TRIM5: variants seen among roughly 807,000 people sequenced by gnomAD.
TRIM5 encodes tripartite motif containing 5, also known as tripartite motif-containing protein 5.
In TRIM5, 31 loss-of-function variants were observed where a neutral mutation model predicts 35.6. The ratio of observed to expected loss-of-function variants is 0.87; its 90% confidence interval spans 0.65 to 1.18. The LOEUF (loss-of-function observed/expected upper bound fraction) is 1.18. TRIM5 is among the 50% of genes most tolerant of loss of function. The pLI is 0.00. For synonymous variants in TRIM5, 243 were observed against 215.6 expected (o/e 1.13, Z -1.11); for missense variants, 609 against 591.6 (o/e 1.03, Z -0.31).
chr11:5,643,030 T>C, the TRIM5 span: 2 of 1,289,570 alleles, frequency 1.6e-6, no homozygotes, highest in Non-Finnish European at 2.1e-6. Flanking sequence ...CTTCCCAAGT[T>C]CGTTCATCAC....
At chr11:5,599,035 G>C in the TRIM5 span, among the ~76,000 whole-genome samples, 2 of 152,040 alleles carry the variant, frequency 1.3e-5, no homozygotes, top group Non-Finnish European at 2.9e-5. Flanking sequence ...CTCTTTTCTA[G>C]GATTTCACAT....
chr11:5,666,352 G>A, intron 5 of TRIM5: 1 of 448,588 alleles, frequency 2.2e-6, no homozygotes. Flanking sequence ...ACCTCTCCCT[G>A]TCTACATTCT....
the TRIM5 span, among the ~76,000 whole-genome samples, chr11:5,629,052 G>A: frequency 1.3e-5 from 2 of 152,066 alleles, no homozygotes; most frequent in Non-Finnish European, 2.9e-5. Context: ...CGAGACAGGT[G>A]GATCACCTGA....
chr11:5,604,939 CAAATGCAAGGGA>C, the TRIM5 span: 1 of 445,148 alleles, frequency 2.2e-6, no homozygotes. Context: ...ATTCAGAGTA[CAAATGCAAGGGA>C]AAATGCAGGT....
chr11:5,604,792 G>A, the TRIM5 span: 2 of 665,092 alleles, frequency 3.0e-6, no homozygotes, highest in East Asian at 3.0e-5. Flanking sequence ...AGGGGGAGGA[G>A]AGGAGGTAAA....
chr11:5,594,521 G>C, the TRIM5 span, among the ~76,000 whole-genome samples: 1 of 151,994 alleles, frequency 6.6e-6, no homozygotes, highest in African/African-American at 2.4e-5. Context: ...TGCCCAGGTT[G>C]GCCTCAAAAT....
chr11:5,642,620 A>G, the TRIM5 span: 1 of 1,421,734 alleles, frequency 7.0e-7, no homozygotes, highest in Non-Finnish European at 9.5e-7. Context: ...GAGGTCAGAG[A>G]ATAAGGAATA....
At chr11:5,642,950 C>A in the TRIM5 span, 5 of 1,490,856 alleles carry the variant, frequency 3.4e-6, no homozygotes, top group Non-Finnish European at 4.5e-6. Flanking sequence ...CAGCACCTCC[C>A]AAAACATTTG....
chr11:5,655,732 C>T, the TRIM5 span: 1 of 977,184 alleles, frequency 1.0e-6, no homozygotes, highest in African/African-American at 1.8e-5. Context: ...GATAACCGGG[C>T]ACAAAAGTAT....
At chr11:5,610,723 T>A in the TRIM5 span, 119 of 1,591,006 alleles carry the variant, frequency 7.5e-5, no homozygotes, top group Admixed American at 4.6e-4. Context: ...CTTCTCAGCA[T>A]AACGAGACCC....
the TRIM5 span, among the ~76,000 whole-genome samples, chr11:5,620,756 G>T: frequency 6.6e-6 from 1 of 152,162 alleles, no homozygotes; most frequent in Non-Finnish European, 1.5e-5. Context: ...TCTTCCTCCA[G>T]ATTAGCTTCT....
the TRIM5 span, among the ~76,000 whole-genome samples, chr11:5,623,776 T>A: frequency 7.2e-5 from 11 of 152,142 alleles, no homozygotes; most frequent in Admixed American, 3.3e-4. Context: ...TCCCAAGGTA[T>A]TGGATGTGGA....
intron 3 of TRIM5, 54 bp from the exon 4 acceptor site, chr11:5,678,488 T>C: frequency 2.1e-6 from 3 of 1,419,608 alleles, no homozygotes; most frequent in Non-Finnish European, 2.8e-6. Flanking sequence ...CAGAGGCTGT[T>C]AGCCAGAAAA....
At chr11:5,643,469 T>C in the TRIM5 span, 8 of 1,614,100 alleles carry the variant, frequency 5.0e-6, no homozygotes, top group South Asian at 3.3e-5. Context: ...GTAAGTATGG[T>C]GTCTTTGAAG....
chr11:5,641,746 A>G, the TRIM5 span, among the ~76,000 whole-genome samples: 1 of 152,212 alleles, frequency 6.6e-6, no homozygotes, highest in East Asian at 1.9e-4. Flanking sequence ...CTCCTATGGA[A>G]AAGTGTAGTC....
the TRIM5 span, among the ~76,000 whole-genome samples, chr11:5,656,713 C>T: frequency 2.0e-5 from 3 of 152,006 alleles, no homozygotes; most frequent in Non-Finnish European, 2.9e-5. Flanking sequence ...TGAAAAAAAA[C>T]CCATCATCAC....
chr11:5,609,954 T>G, the TRIM5 span, among the ~76,000 whole-genome samples: 1 of 152,122 alleles, frequency 6.6e-6, no homozygotes, highest in Non-Finnish European at 1.5e-5. Context: ...CACAAGTTTA[T>G]GTAGATGGTG....
At chr11:5,620,258 AC>A in the TRIM5 span, among the ~76,000 whole-genome samples, 3 of 124,464 alleles carry the variant, frequency 2.4e-5, no homozygotes, top group East Asian at 2.5e-4. Flanking sequence ...GCTCACTGCA[AC>A]CTCCGCCTCC....
chr11:5,612,206 A>G, the TRIM5 span: 1 of 152,202 alleles, frequency 6.6e-6, no homozygotes, highest in Admixed American at 6.5e-5. Flanking sequence ...ACATTCTTGT[A>G]ATATCTTTGC....
Sources: gnomAD v4.1 joint callset for allele counts (sites outside exome capture counted in the v4.1 genomes callset) on GRCh38, gnomAD v4.1.1 for gene constraint, MANE v1.5 for transcripts, NCBI Gene and HGNC (gene_info 2026-07-23, HGNC 2026-07-21) for gene names.